Variants in AIM2 observed in about 807,000 individuals in gnomAD.
The protein encoded by AIM2 is absent in melanoma 2, also known as interferon-inducible protein AIM2.
In AIM2, 30 loss-of-function variants were observed where a neutral mutation model predicts 27.7. The observed-to-expected ratio is 1.08, with a 90% CI of 0.81 to 1.47. AIM2 has a LOEUF of 1.47. Ranked by LOEUF, AIM2 falls within the 40% of genes most tolerant of loss-of-function variation. The pLI is 0.00. For missense variants in AIM2, 358 were observed against 411.3 expected (o/e 0.87, Z 1.12); for synonymous variants, 141 against 145.3 (o/e 0.97, Z 0.21).
chr1:159,132,231 G>A (rs1647906278), intron 1 of AIM2: 1 of 151,580 alleles, frequency 6.6e-6, no homozygotes. Flanking sequence ...AGCTGGGAGT[G>A]GTGGCGGGTA....
At chr1:159,113,094 G>A (rs1374166613) in intron 1 of AIM2, among the ~76,000 whole-genome samples, 3 of 151,812 alleles carry the variant, frequency 2.0e-5, no homozygotes, top group African/African-American at 7.3e-5. Flanking sequence ...ACAGGCATCC[G>A]CCACCACGCC....
intron 5 of AIM2, 21 bp downstream of exon 5, chr1:159,063,465 T>G: frequency 1.3e-6 from 2 of 1,595,942 alleles, no homozygotes; most frequent in Non-Finnish European, 1.7e-6. Context: ...GAGAGTTGAC[T>G]TTGTTCCATG....
intron 1 of AIM2, among the ~76,000 whole-genome samples, chr1:159,097,102 A>C (rs887063806): frequency 1.3e-5 from 2 of 152,026 alleles, no homozygotes; most frequent in African/African-American, 2.4e-5. Context: ...CAGGAGACAG[A>C]AAAGTCTGAA....
chr1:159,132,697 G>T (rs914824533), intron 1 of AIM2, among the ~76,000 whole-genome samples: 3 of 152,074 alleles, frequency 2.0e-5, no homozygotes, highest in Non-Finnish European at 4.4e-5. Flanking sequence ...TATTATGACG[G>T]CAAACATTGG....
intron 1 of AIM2, among the ~76,000 whole-genome samples, chr1:159,082,548 C>T (rs1656803088): frequency 6.6e-6 from 1 of 151,874 alleles, no homozygotes; most frequent in Non-Finnish European, 1.5e-5. Flanking sequence ...CAAAGCTGGA[C>T]CCTAAGTCCT....
chr1:159,055,172 T>C, the AIM2 span: 4 of 242,352 alleles, frequency 1.7e-5, no homozygotes, highest in African/African-American at 9.0e-5. Flanking sequence ...CCCAGCAGTC[T>C]CTTTAATCCA....
chr1:159,076,176 T>C (rs187073863), intron 1 of AIM2, among the ~76,000 whole-genome samples: 237 of 152,314 alleles, frequency 1.6e-3, no homozygotes, highest in South Asian at 6.4e-3. Flanking sequence ...GCTTGGATGA[T>C]TCCTACTTTT....
At chr1:159,058,475 GC>G (rs1163038765), downstream of AIM2, among the ~76,000 whole-genome samples, 1 of 151,964 alleles carries the variant, frequency 6.6e-6, no homozygotes, top group Non-Finnish European at 1.5e-5. Context: ...GTGTATCCCA[GC>G]CCCAGCAGGG....
upstream of AIM2, among the ~76,000 whole-genome samples, chr1:159,143,477 G>A (rs970029228): frequency 6.6e-6 from 1 of 151,990 alleles, no homozygotes; most frequent in African/African-American, 2.4e-5. Flanking sequence ...GGGACTATAT[G>A]GTTGTAAAGG....
At chr1:159,137,976 C>A (rs548472236) in intron 1 of AIM2, among the ~76,000 whole-genome samples, 200 of 152,196 alleles carry the variant, frequency 1.3e-3, no homozygotes, top group Non-Finnish European at 2.0e-3. Flanking sequence ...TGCAAGGGTG[C>A]TGGTATGGCA....
chr1:159,078,685 T>C (rs914521081), upstream of AIM2, among the ~76,000 whole-genome samples: 4 of 152,118 alleles, frequency 2.6e-5, no homozygotes, highest in Non-Finnish European at 4.4e-5. Context: ...ATCAGAGAGA[T>C]ACCCAACTTG....
chr1:159,093,492 T>G (rs1377047578), intron 1 of AIM2, among the ~76,000 whole-genome samples: 1 of 152,092 alleles, frequency 6.6e-6, no homozygotes, highest in East Asian at 1.9e-4. Flanking sequence ...GACACAGCAC[T>G]CCCAGTCCCA....
At chr1:159,140,947 G>A (rs1030695828), upstream of AIM2, among the ~76,000 whole-genome samples, 1 of 152,152 alleles carries the variant, frequency 6.6e-6, no homozygotes, top group East Asian at 1.9e-4. Context: ...TAAAACCTTC[G>A]AGTTTCTGGG....
At chr1:159,087,634 G>A (rs552835824) in intron 1 of AIM2, among the ~76,000 whole-genome samples, 3 of 147,138 alleles carry the variant, frequency 2.0e-5, no homozygotes, top group African/African-American at 5.0e-5. Flanking sequence ...GTGCAGTGGC[G>A]TGATCTCGGC....
chr1:159,061,774 T>A (rs1655846774), downstream of AIM2, among the ~76,000 whole-genome samples: 1 of 152,138 alleles, frequency 6.6e-6, no homozygotes, highest in African/African-American at 2.4e-5. Flanking sequence ...TGCCTTTCAA[T>A]GCTCTTAATG....
chr1:159,125,774 G>C (rs528872176), intron 1 of AIM2, among the ~76,000 whole-genome samples: 1 of 152,314 alleles, frequency 6.6e-6, no homozygotes, highest in Admixed American at 6.5e-5. Flanking sequence ...AAAGAGGAGA[G>C]AGGAAGGTGT....
At position 159,113,554 on chromosome 1, in the gene AIM2, G is replaced by T. The variant is rs368417948; in HGVS notation, c.-16+26877C>A. On this transcript the variant is annotated intron_variant, in intron 1 of 2. Transcript: ENST00000368129. ...CTTCTATACTTTCAGTTAACTGAGG[G>T]TTTAAAATCGGACTACCTACAGCTT... Among the ~76,000 whole-genome samples, 5 of 152,202 alleles carry T rather than the reference G, an allele frequency of 3.3e-5. No homozygotes were observed. In the South Asian group the frequency reaches 8.3e-4, roughly 25 times the overall value.
intron 1 of AIM2, among the ~76,000 whole-genome samples, chr1:159,129,742 A>T (rs559569943): frequency 4.5e-4 from 68 of 152,318 alleles, no homozygotes; most frequent in African/African-American, 1.5e-3. Flanking sequence ...TGCCTCCTCA[A>T]ATACTAAACT....
At chr1:159,111,905 G>A (rs8179304) in intron 1 of AIM2, among the ~76,000 whole-genome samples, 1 of 151,324 alleles carries the variant, frequency 6.6e-6, no homozygotes. Context: ...AGCCGAGCAT[G>A]GTGGTGGGCA....
Sources: allele counts gnomAD v4.1 joint callset (sites outside exome capture counted in the v4.1 genomes callset), GRCh38; gene constraint gnomAD v4.1.1; transcripts MANE v1.5; gene names NCBI Gene and HGNC (gene_info 2026-07-23, HGNC 2026-07-21).